RIC8B: variants seen among roughly 807,000 people sequenced by gnomAD.
RIC8B encodes the protein RIC8 guanine nucleotide exchange factor B.
Under a neutral mutation model 57.5 loss-of-function variants are expected in RIC8B, and 16 were observed. That is an observed-to-expected ratio of 0.28 (90% confidence interval 0.19 to 0.42). The LOEUF (loss-of-function observed/expected upper bound fraction) is 0.42, where lower values mean the gene tolerates loss of function less well. RIC8B is among the 10% of genes least tolerant of loss of function. RIC8B has a pLI of 1.00. For synonymous variants in RIC8B, 216 were observed against 250.8 expected, an observed-to-expected ratio of 0.86 and a Z score of 1.31; for missense variants, 481 against 677.0, an observed-to-expected ratio of 0.71 and a Z score of 3.21.
intron 9 of RIC8B, among the ~76,000 whole-genome samples, chr12:106,877,658 A>G (rs534741521): frequency 1.3e-5 from 2 of 152,324 alleles, no homozygotes; most frequent in Admixed American, 6.5e-5. Flanking sequence ...CTCTTCTGAC[A>G]AATTTTCATA....
At chr12:106,783,802 A>G (rs967193399) in intron 1 of RIC8B, among the ~76,000 whole-genome samples, 195 bp from the exon 2 acceptor site, 18 of 152,220 alleles carry the variant, frequency 1.2e-4, no homozygotes, top group Middle Eastern at 3.4e-3. Context: ...CTTTGTATAT[A>G]TATCTGCTGT....
rs1949563485 is a variant in RIC8B, at chr12:106,853,451, G to GTTTTTTT, written c.1306+1858_1306+1859insTTTTTTT. On this transcript the variant is annotated intron_variant, in intron 7 of 9. Coordinates refer to ENST00000392837, the MANE Select transcript of RIC8B (RefSeq NM_001330145.2). ...TTGACCTCAACAATTCTGCTTTATA[G>GTTTTTTT]TCTTTTTTTTTTTTTTTTTTTTTTT... 5.8e-5 allele frequency among the ~76,000 whole-genome samples: 3 copies of GTTTTTTT among 51,812 alleles called. 1 individual carries two copies. The highest frequency in any genetic ancestry group is 2.5e-4 in the African/African-American group (3 of 12,088). 34.0% of individuals were successfully genotyped at this position (51,812 alleles called of 152,430 possible). A position where few individuals can be genotyped will look rare whatever the true frequency, so the allele number is the denominator to read the frequency against.
In RIC8B at chr12:106,800,309, A is replaced by G. The variant is rs535954261; in HGVS notation, c.133-14387A>G. ...GCCTCAGGAAGCTTTTACTCATGGC[A>G]GAAGGCAAAGCTGGAGGGAGACACC... On this transcript the variant is annotated intron_variant, in intron 2 of 9. Transcript: ENST00000392837. Among the ~76,000 whole-genome samples the G allele has an allele frequency of 8.2e-4, 125 of 152,308 alleles. 2 individuals are homozygous for G. The South Asian group carries it at 0.014, about 17-fold the overall frequency.
chr12:106,801,247 T>C (rs1252781542), intron 2 of RIC8B, among the ~76,000 whole-genome samples: 1 of 152,206 alleles, frequency 6.6e-6, no homozygotes, highest in Non-Finnish European at 1.5e-5. Flanking sequence ...ATAAAACTTT[T>C]CTTGTCAAGA....
At chr12:106,826,950 T>A (rs971353066) in intron 4 of RIC8B, among the ~76,000 whole-genome samples, 1 of 152,170 alleles carries the variant, frequency 6.6e-6, no homozygotes, top group South Asian at 2.1e-4. Flanking sequence ...GGCGCACGCC[T>A]GTAGACCCAG....
chr12:106,807,279 C>T (rs2045083473), intron 2 of RIC8B, among the ~76,000 whole-genome samples: 1 of 152,178 alleles, frequency 6.6e-6, no homozygotes, highest in South Asian at 2.1e-4. Context: ...AACAAGGGGA[C>T]CTCAAGATAG....
chr12:106,848,744 G>A (rs998409928), intron 6 of RIC8B, among the ~76,000 whole-genome samples: 12 of 152,176 alleles, frequency 7.9e-5, no homozygotes, highest in African/African-American at 2.9e-4. Flanking sequence ...AACAGGTTTG[G>A]TGGGAACTTC....
chr12:106,860,794 A>T (rs1949898832), intron 8 of RIC8B, among the ~76,000 whole-genome samples: 1 of 152,142 alleles, frequency 6.6e-6, no homozygotes, highest in Non-Finnish European at 1.5e-5. Flanking sequence ...TTTCTCAGAA[A>T]TCTAAATGTA....
chr12:106,859,399 C>A (rs1365593582), intron 7 of RIC8B, among the ~76,000 whole-genome samples: 1 of 151,950 alleles, frequency 6.6e-6, no homozygotes, highest in African/African-American at 2.4e-5. Flanking sequence ...ACCCTGTTGG[C>A]AGGATAATAC....
At chr12:106,784,581 T>C (rs2043916051) in intron 2 of RIC8B, among the ~76,000 whole-genome samples, 1 of 152,164 alleles carries the variant, frequency 6.6e-6, no homozygotes, top group South Asian at 2.1e-4. Flanking sequence ...GCTGGTCTAT[T>C]GAGCTTCTGG....
chr12:106,870,877 A>G lies in RIC8B; in HGVS notation c.1506A>G (p.Glu502=). Residue 502 remains glutamate (E), a synonymous_variant, in exon 9 of 10, where the codon GAA becomes GAG. Coordinates refer to ENST00000392837, the MANE Select transcript of RIC8B (RefSeq NM_001330145.2). ...AACCAATGCCAAACCCCATAGATGA[A>G]ATGACAGAAGAACAAAAAGAATATG... is the stretch of plus-strand genomic sequence containing the variant. ...LEEPMPNPID[E]MTEEQKEYEA... 6.5e-7 allele frequency: 1 copy of G among 1,548,406 alleles called. No individual in the cohort carries two copies. Among genetic ancestry groups the G allele is most frequent in the Non-Finnish European group, 8.7e-7 (1 of 1,144,752 alleles).
chr12:106,776,222 A>G (rs900431153), intron 1 of RIC8B, among the ~76,000 whole-genome samples: 2 of 152,180 alleles, frequency 1.3e-5, no homozygotes, highest in African/African-American at 2.4e-5. Context: ...CATAGGTTCT[A>G]TCTATTCATA....
At chr12:106,840,441 T>C (rs986623959) in intron 4 of RIC8B, among the ~76,000 whole-genome samples, 1 of 152,046 alleles carries the variant, frequency 6.6e-6, no homozygotes, top group Non-Finnish European at 1.5e-5. Context: ...CCCCCTGGAG[T>C]AGGAATGCAA....
At chr12:106,878,841 C>G in intron 9 of RIC8B, 2 of 244,538 alleles carry the variant, frequency 8.2e-6, no homozygotes, top group South Asian at 1.7e-4. Context: ...CCCTTTTCTT[C>G]TTTTCTAATC....
intron 8 of RIC8B, among the ~76,000 whole-genome samples, chr12:106,861,675 T>C (rs762143391): frequency 6.6e-6 from 1 of 152,162 alleles, no homozygotes; most frequent in Non-Finnish European, 1.5e-5. Context: ...TCCCGAATTA[T>C]AGAAGTCATC....
chr12:106,873,092 A>G (rs1179671898), intron 9 of RIC8B: 1 of 985,220 alleles, frequency 1.0e-6, no homozygotes, highest in Non-Finnish European at 1.2e-6. Flanking sequence ...AGTCTGAAAT[A>G]CCCCAGCTTC....
chr12:106,806,356 T>C (rs1228191428), intron 2 of RIC8B, among the ~76,000 whole-genome samples: 1 of 152,198 alleles, frequency 6.6e-6, no homozygotes, highest in African/African-American at 2.4e-5. Context: ...ACATAAAATA[T>C]TTTCTGCCAT....
chr12:106,811,552 A>C (rs2045333833), intron 2 of RIC8B, among the ~76,000 whole-genome samples: 1 of 152,204 alleles, frequency 6.6e-6, no homozygotes, highest in Non-Finnish European at 1.5e-5. Context: ...GCAAACTACT[A>C]AAAAGTTTTT....
intron 4 of RIC8B, among the ~76,000 whole-genome samples, chr12:106,841,946 C>T (rs1328748739): frequency 6.6e-6 from 1 of 152,126 alleles, no homozygotes; most frequent in African/African-American, 2.4e-5. Flanking sequence ...CATTAATACA[C>T]AGCTGAAAGG....
Sources: gnomAD v4.1 joint callset for allele counts (sites outside exome capture counted in the v4.1 genomes callset) on GRCh38, gnomAD v4.1.1 for gene constraint, MANE v1.5 for transcripts, NCBI Gene and HGNC (gene_info 2026-07-23, HGNC 2026-07-21) for gene names.